PLPPR2: variants seen among roughly 807,000 people sequenced by gnomAD.
PLPPR2 encodes phospholipid phosphatase related 2.
Under a neutral mutation model 40.3 loss-of-function variants are expected in PLPPR2, and 11 were observed. The observed-to-expected ratio is 0.27, with a 90% CI of 0.17 to 0.45. The LOEUF is 0.45. Ranked by LOEUF, PLPPR2 falls within the 20% of genes least tolerant of loss-of-function variation. PLPPR2 has a pLI of 1.00. For synonymous variants in PLPPR2, 260 were observed against 290.8 expected (o/e 0.89, Z 1.08); for missense variants, 497 against 640.7 (o/e 0.78, Z 2.42).
chr19:11,357,157 C>A (rs952479355), intron 2 of PLPPR2, among the ~76,000 whole-genome samples, 181 bp downstream of exon 2: 2 of 152,012 alleles, frequency 1.3e-5, no homozygotes, highest in Non-Finnish European at 2.9e-5. Context: ...TCAGCCCAAC[C>A]AGACACCAAC....
Position 11,364,555 on chromosome 19 carries a change from T to C in PLPPR2, c.1224T>C (p.Gly408=). The change falls in exon 10 of 10, where the codon GGT becomes GGC. Residue 408 remains glycine (G), a synonymous_variant. Transcript: ENST00000688289. The surrounding 1 kb of genome is among the most constrained non-coding windows in gnomAD (Gnocchi z 5.8). The part of the protein sequence containing the change: ...SPGPGGPGGG[G]GRGRKLLLPT... ...GACCTGGGGGGCCAGGCGGGGGTGGTGGACGTGGCCGGAAGCTGCTGCTGC... is the reference window on the plus strand; with the variant it reads ...GACCTGGGGGGCCAGGCGGGGGTGGCGGACGTGGCCGGAAGCTGCTGCTGC... The C allele has an allele frequency of 6.5e-7, 1 of 1,536,620 alleles. No individual in the cohort carries two copies. Among genetic ancestry groups the C allele is most frequent in the Non-Finnish European group, 8.7e-7 (1 of 1,146,648 alleles).
At position 11,364,737 on chromosome 19, in the gene PLPPR2, G is replaced by A. The variant is rs867869226; in HGVS notation, c.*47G>A. On this transcript the variant is annotated 3_prime_UTR_variant, in exon 10 of 10. Transcript: ENST00000688289. This position sits in a 1 kb window ranked among gnomAD's most constrained non-coding sequence, Gnocchi z 5.8. ...TCTGCCCAGTCCCCACTTCTTCCCT[G>A]CCACGCGTGTGTGTGCGTGTGCCAC... is the stretch of plus-strand genomic sequence containing the variant. 2 of 1,534,020 alleles carry A rather than the reference G, an allele frequency of 1.3e-6. No individual in the cohort carries two copies. Among genetic ancestry groups the A allele is most frequent in the Admixed American group, 2.0e-5 (1 of 50,834 alleles).
chr19:11,363,892 A>G lies in PLPPR2; in HGVS notation c.963+57A>G. On this transcript the variant is annotated intron_variant, in intron 8 of 9. Transcript: ENST00000688289. The surrounding 1 kb of genome is among the most constrained non-coding windows in gnomAD (Gnocchi z 4.8). ...AGAGGGTGGTGGGTGGAGGGGGCCA[A>G]GGAGACAGGAAGGAAGTCAGGCAAG... The G allele has an allele frequency of 6.4e-7, 1 of 1,566,892 alleles. No homozygotes were observed. Among genetic ancestry groups the G allele is most frequent in the South Asian group, 1.1e-5 (1 of 87,508 alleles).
Position 11,361,625 on chromosome 19 carries a change from C to G in PLPPR2, c.663+137C>G. 1 of 1,240,558 alleles carries G rather than the reference C, an allele frequency of 8.1e-7. No individual in the cohort carries two copies. The highest frequency in any genetic ancestry group is 1.1e-6 in the Non-Finnish European group (1 of 918,350). The allele number at this position is 1,240,558 out of a possible 1,614,324, so 76.8% of individuals were successfully genotyped here. A position where few individuals can be genotyped will look rare whatever the true frequency, so the allele number is the denominator to read the frequency against. On this transcript the variant is annotated intron_variant, in intron 6 of 9. Transcript: ENST00000688289. This position sits in a 1 kb window ranked among gnomAD's most constrained non-coding sequence, Gnocchi z 6.3. ...TGGAAGCTCTCGCTCCACGCCCCGA[C>G]CTGTTGGAAGCTCTCCCTCCTCCTC...
In PLPPR2 at chr19:11,361,392, T is replaced by A. The variant is rs1441817682; in HGVS notation, c.567T>A (p.Gly189=). ...PGPDRFVTDQ[G]ACAGSPSLVA... is the part of the protein sequence containing the mutation. ...CCGACCGCTTTGTCACTGACCAGGG[T>A]GCCTGCGCTGGCAGTCCCAGCCTCG... The change falls in exon 6 of 10, where the codon GGT becomes GGA. Residue 189 remains glycine, a synonymous_variant. Coordinates refer to ENST00000688289, the MANE Select transcript of PLPPR2 (RefSeq NM_001393892.1). The surrounding 1 kb of genome is among the most constrained non-coding windows in gnomAD (Gnocchi z 6.3). The A allele has an allele frequency of 6.2e-7, 1 of 1,610,440 alleles. No individual in the cohort carries two copies. The highest frequency in any genetic ancestry group is 1.7e-5 in the Admixed American group (1 of 59,990).
chr19:11,362,682 C>T lies in PLPPR2; in HGVS notation c.833C>T (p.Thr278Ile), dbSNP rs11540666. ...TTCCTGACAGGGGCGGCCATCGCCA[C>T]CTTTTTGGTGAGTTGCCTCCTCAAC... The part of the protein sequence containing the change: ...AGFLTGAAIA[T>I]FLVTCVVHNF... Residue 278 changes from threonine to isoleucine, a missense_variant, in exon 7 of 10, where the codon ACC (threonine) becomes ATC (isoleucine). By Grantham distance (89) the Thr-to-Ile change is moderately conservative (BLOSUM62 -1). Transcript: ENST00000688289. This position sits in a 1 kb window ranked among gnomAD's most constrained non-coding sequence, Gnocchi z 5.3. 9.3e-6 allele frequency: 15 copies of T among 1,611,844 alleles called. No homozygotes were observed. The highest frequency in any genetic ancestry group is 1.7e-5 in the Admixed American group (1 of 59,934).
chr19:11,360,454 G>A (rs1424749184), intron 5 of PLPPR2, among the ~76,000 whole-genome samples: 1 of 152,072 alleles, frequency 6.6e-6, no homozygotes, highest in East Asian at 1.9e-4. Flanking sequence ...GGAATTCCAG[G>A]GGGGAAGGAA....
At chr19:11,356,777 A>G (rs1345836094) in intron 1 of PLPPR2, 25 bp from the exon 2 acceptor site, 2 of 152,520 alleles carry the variant, frequency 1.3e-5, no homozygotes, top group Non-Finnish European at 2.9e-5. Context: ...ACCTCTGGCA[A>G]CCATCACCCC....
rs1825138689 is a variant in PLPPR2, at chr19:11,361,618, GC to G, written c.663+134del. The stretch of plus-strand genomic sequence containing the variant: ...GTGCTGTTGGAAGCTCTCGCTCCAC[GC>G]CCCGACCTGTTGGAAGCTCTCCCTC... On this transcript the variant is annotated intron_variant, in intron 6 of 9. Transcript: ENST00000688289. This position sits in a 1 kb window ranked among gnomAD's most constrained non-coding sequence, Gnocchi z 6.3. 7.8e-7 allele frequency: 1 copy of G among 1,275,960 alleles called. No homozygotes were observed. The highest frequency in any genetic ancestry group is 2.7e-5 in the Admixed American group (1 of 36,798). 79.0% of individuals were successfully genotyped at this position (1,275,960 alleles called of 1,614,324 possible).
Position 11,363,984 on chromosome 19 carries a change from C to A in PLPPR2, c.963+149C>A. The A allele has an allele frequency of 1.5e-6, 2 of 1,315,646 alleles. No individual in the cohort carries two copies. The highest frequency in any genetic ancestry group is 2.1e-6 in the Non-Finnish European group (2 of 967,344). 81.5% of individuals were successfully genotyped at this position (1,315,646 alleles called of 1,614,324 possible). The stretch of plus-strand genomic sequence containing the variant: ...CATCTCTGTGGACATAGGTCCTGGG[C>A]GGACAGCCCCAAAGAATGAAAGGGA... On this transcript the variant is annotated intron_variant, in intron 8 of 9. Coordinates refer to ENST00000688289, the MANE Select transcript of PLPPR2 (RefSeq NM_001393892.1). The surrounding 1 kb of genome is among the most constrained non-coding windows in gnomAD (Gnocchi z 4.8).
rs927397085 is a variant in PLPPR2 at position 11,364,097 on chromosome 19, T to C, written c.964-64T>C. On this transcript the variant is annotated intron_variant, in intron 8 of 9. Transcript: ENST00000688289. This position sits in a 1 kb window ranked among gnomAD's most constrained non-coding sequence, Gnocchi z 5.8. ...TGGGGCTCTTCACCTGATGAGCTCC[T>C]TGTGGCTGTGGCCGGTAGGGCCCAG... 2.6e-5 allele frequency: 40 copies of C among 1,551,560 alleles called. No individual in the cohort carries two copies. Among genetic ancestry groups the C allele is most frequent in the Non-Finnish European group, 3.5e-5 (40 of 1,145,054 alleles).
chr19:11,358,721 T>A (rs1437386844), intron 3 of PLPPR2, among the ~76,000 whole-genome samples: 2 of 151,208 alleles, frequency 1.3e-5, no homozygotes, highest in African/African-American at 4.9e-5. Flanking sequence ...CCTCTCTCTC[T>A]TTCTTTCTTT....
rs1434183592 is a variant in PLPPR2 at position 11,362,279 on chromosome 19, T to TA, written c.664-234_664-233insA. 1.4e-5 allele frequency: 8 copies of TA among 558,606 alleles called. No individual in the cohort carries two copies. Among genetic ancestry groups the TA allele is most frequent in the Non-Finnish European group, 2.6e-5 (8 of 311,396 alleles). The allele number at this position is 558,606 out of a possible 1,614,324, so 34.6% of individuals were successfully genotyped here. ...TGGGAGCTCTGGCCACACCTAGCCC[T>TA]GCAGGTGGTGCCCACGAGACTCCAA... is the stretch of plus-strand genomic sequence containing the variant. On this transcript the variant is annotated intron_variant, in intron 6 of 9. Transcript: ENST00000688289. The surrounding 1 kb of genome is among the most constrained non-coding windows in gnomAD (Gnocchi z 5.3).
chr19:11,357,699 A>G lies in PLPPR2; in HGVS notation c.26A>G (p.Lys9Arg), dbSNP rs1568319079. 6.2e-7 allele frequency: 1 copy of G among 1,607,962 alleles called. No individual in the cohort carries two copies. The part of the protein sequence containing the change: MAGGRPHL[K>R]RSFSIIPCFV... ...ATGGCGGGAGGGAGACCGCATCTGA[A>G]GAGGAGTTTCTCCATCATCCCCTGC... Residue 9 changes from lysine to arginine, a missense_variant, in exon 3 of 10, where the codon AAG becomes AGG. Transcript: ENST00000688289.
rs1263809743 is a variant in PLPPR2, at chr19:11,362,641, G to A, written c.792G>A (p.Ser264=). Reference sequence around the variant, plus strand: ...TGGCCGAGTACCGAAACCACTGGTCGGACGTGCTGGCTGGCTTCCTGACAG... The same window carrying A: ...TGGCCGAGTACCGAAACCACTGGTCAGACGTGCTGGCTGGCTTCCTGACAG... The part of the protein sequence containing the change: ...VRVAEYRNHW[S]DVLAGFLTGA... The change falls in exon 7 of 10, where the codon TCG becomes TCA. Residue 264 remains serine (S), a synonymous_variant. Transcript: ENST00000688289. The surrounding 1 kb of genome is among the most constrained non-coding windows in gnomAD (Gnocchi z 5.3). 2.5e-6 allele frequency: 4 copies of A among 1,613,850 alleles called. No homozygotes were observed. Among genetic ancestry groups the A allele is most frequent in the East Asian group, 2.2e-5 (1 of 44,878 alleles).
intron 3 of PLPPR2, among the ~76,000 whole-genome samples, chr19:11,358,922 C>T (rs751337678): frequency 1.3e-4 from 20 of 152,134 alleles, no homozygotes; most frequent in Non-Finnish European, 2.5e-4. Context: ...GTCATGTTGT[C>T]CAGGCTGGTC....
intron 2 of PLPPR2, 32 bp from the exon 3 acceptor site, chr19:11,357,628 C>G: frequency 1.3e-6 from 2 of 1,549,166 alleles, no homozygotes; most frequent in South Asian, 1.2e-5. Context: ...GGCACACCCC[C>G]TGGGACTCCC....
chr19:11,365,381 G>A lies in PLPPR2; in HGVS notation c.*691G>A, dbSNP rs1297844345. 6.5e-6 allele frequency: 1 copy of A among 152,966 alleles called. No homozygotes were observed. Among genetic ancestry groups the A allele is most frequent in the African/African-American group, 2.4e-5 (1 of 41,454 alleles). The allele number at this position is 152,966 out of a possible 1,614,324, so 9.5% of individuals were successfully genotyped here. ...TAAGTAGGGCTTGCCCCACTTCAGA[G>A]GTTTTGGGGTTCAGGGTGCTGTGTC... On this transcript the variant is annotated 3_prime_UTR_variant, in exon 10 of 10. Coordinates refer to ENST00000688289, the MANE Select transcript of PLPPR2 (RefSeq NM_001393892.1).
At position 11,361,138 on chromosome 19, in the gene PLPPR2, A is replaced by G; in HGVS notation, c.392-79A>G. The G allele has an allele frequency of 4.7e-6, 7 of 1,501,592 alleles. No homozygotes were observed. Among genetic ancestry groups the G allele is most frequent in the Non-Finnish European group, 6.2e-6 (7 of 1,121,828 alleles). The allele number at this position is 1,501,592 out of a possible 1,614,324, so 93.0% of individuals were successfully genotyped here. A position where few individuals can be genotyped will look rare whatever the true frequency, so the allele number is the denominator to read the frequency against. On this transcript the variant is annotated intron_variant, in intron 5 of 9. Transcript: ENST00000688289. This position sits in a 1 kb window ranked among gnomAD's most constrained non-coding sequence, Gnocchi z 6.3. ...GTGCTTTAATGACAGTCACAGGAAA[A>G]GGGAGCTAAGAGGCCCAATGGAATC...
Sources: allele counts gnomAD v4.1 joint callset (sites outside exome capture counted in the v4.1 genomes callset), GRCh38; gene constraint gnomAD v4.1.1; non-coding constraint Gnocchi (gnomAD v3.1); transcripts MANE v1.5; gene names NCBI Gene and HGNC (gene_info 2026-07-23, HGNC 2026-07-21).